The following FARP2 variants were observed in gnomAD, a reference collection of about 807,000 sequenced individuals.
The protein encoded by FARP2 is FERM, ARH/RhoGEF and pleckstrin domain protein 2.
Under a neutral mutation model 130.5 loss-of-function variants are expected in FARP2, and 111 were observed. That is an observed-to-expected ratio of 0.85 (90% CI 0.73 to 1.00). The LOEUF is 1.00. Ranked by LOEUF, FARP2 falls within the 50% of genes least tolerant of loss-of-function variation. The pLI is 0.00. For missense variants in FARP2, 1,385 were observed against 1,346.3 expected (o/e 1.03, Z -0.45); for synonymous variants, 504 against 516.9 (o/e 0.98, Z 0.34).
At chr2:241,452,195 C>T (rs536546689) in intron 13 of FARP2, among the ~76,000 whole-genome samples, 5 of 152,302 alleles carry the variant, frequency 3.3e-5, no homozygotes, top group South Asian at 2.1e-4. Flanking sequence ...TTTATCCTGT[C>T]GTATGTCACT....
At chr2:241,491,407 A>T in intron 23 of FARP2, 109 bp from the exon 24 acceptor site, 1 of 1,252,066 alleles carries the variant, frequency 8.0e-7, no homozygotes, top group Non-Finnish European at 1.1e-6. Flanking sequence ...CCTAGCACCA[A>T]GGGCTCCCCA....
At chr2:241,360,585 A>T (rs1184026833) in intron 1 of FARP2, among the ~76,000 whole-genome samples, 1 of 151,960 alleles carries the variant, frequency 6.6e-6, no homozygotes, top group Non-Finnish European at 1.5e-5. Context: ...GAGGCAGGAG[A>T]ATCACTTGAA....
chr2:241,392,590 A>G (rs985471534), intron 2 of FARP2, among the ~76,000 whole-genome samples: 3 of 152,194 alleles, frequency 2.0e-5, no homozygotes, highest in Non-Finnish European at 4.4e-5. Flanking sequence ...GTCTAGAAAG[A>G]TGAAGTGCCT....
intron 1 of FARP2, among the ~76,000 whole-genome samples, chr2:241,360,749 G>C (rs944999271): frequency 2.6e-5 from 4 of 151,928 alleles, no homozygotes; most frequent in African/African-American, 9.7e-5. Context: ...AATGCAAATG[G>C]CTAAATTGAG....
At position 241,434,325 on chromosome 2, in the gene FARP2, G is replaced by T. The variant is rs760633638; in HGVS notation, c.1031+4G>T. 6.3e-7 allele frequency: 1 copy of T among 1,596,422 alleles called. No homozygotes were observed. Among genetic ancestry groups the T allele is most frequent in the Admixed American group, 1.8e-5 (1 of 54,896 alleles). Reference sequence around the variant, plus strand: ...GGGGCTCCTCCTTCAGATACAGGTAGGGGCCATGCCGTGGCTTGCATGGGC... The same window carrying T: ...GGGGCTCCTCCTTCAGATACAGGTATGGGCCATGCCGTGGCTTGCATGGGC... On this transcript the variant is annotated splice_donor_region_variant and intron_variant, in intron 10 of 26. Transcript: ENST00000264042.
At chr2:241,461,237 C>T (rs1413153469) in intron 14 of FARP2, among the ~76,000 whole-genome samples, 1 of 152,156 alleles carries the variant, frequency 6.6e-6, no homozygotes, top group Non-Finnish European at 1.5e-5. Flanking sequence ...ACCTCCACAC[C>T]GGACCTTCAG....
At chr2:241,376,672 C>T (rs2061543026) in intron 2 of FARP2, among the ~76,000 whole-genome samples, 2 of 152,354 alleles carry the variant, frequency 1.3e-5, no homozygotes, top group East Asian at 3.9e-4. Context: ...TTGTCTCATT[C>T]GTATTCTGTC....
In FARP2 at chr2:241,463,387, C is replaced by T. The variant is rs201032011; in HGVS notation, c.1730C>T (p.Thr577Met). 83 of 1,614,128 alleles carry T rather than the reference C, an allele frequency of 5.1e-5. No individual in the cohort carries two copies. Among genetic ancestry groups the T allele is most frequent in the South Asian group, 1.2e-4 (11 of 91,080 alleles). ...GACGCCATGCCTGCGACTCTGATGA[C>T]GCTGCTCTTCTCCAACATCGATCCC... ...KEDAMPATLM[T>M]LLFSNIDPIY... The change falls in exon 16 of 27, where the codon ACG becomes ATG. Residue 577 changes from threonine (T) to methionine (M), a missense_variant. Coordinates refer to ENST00000264042, the MANE Select transcript of FARP2 (RefSeq NM_014808.4).
At chr2:241,484,725 C>T (rs2064709730) in intron 21 of FARP2, among the ~76,000 whole-genome samples, 1 of 152,206 alleles carries the variant, frequency 6.6e-6, no homozygotes, top group Admixed American at 6.5e-5. Context: ...TAGGCACATG[C>T]CTGGGATGGG....
At chr2:241,394,565 A>G (rs1233568938) in intron 2 of FARP2, among the ~76,000 whole-genome samples, 3 of 152,134 alleles carry the variant, frequency 2.0e-5, no homozygotes, top group East Asian at 3.9e-4. Context: ...GACACTGAAA[A>G]TAGAACTGAT....
In FARP2 at chr2:241,436,372, A is replaced by G. The variant is rs2063230370; in HGVS notation, c.1101-109A>G. The G allele has an allele frequency of 6.0e-5, 55 of 916,086 alleles. 2 individuals carry two copies. In the South Asian group the frequency reaches 7.6e-4, roughly 13 times the overall value. The allele number at this position is 916,086 out of a possible 1,614,324, so 56.7% of individuals were successfully genotyped here. A position where few individuals can be genotyped will look rare whatever the true frequency, so the allele number is the denominator to read the frequency against. ...TTCAAGTTAGATACCTCTTAGCTAC[A>G]TTTTCTTGTGAGGTTTTCTTCATGG... is the stretch of plus-strand genomic sequence containing the variant. On this transcript the variant is annotated intron_variant, in intron 11 of 26. Transcript: ENST00000264042.
intron 19 of FARP2, chr2:241,478,434 G>T (rs2064530169): frequency 4.0e-6 from 1 of 249,494 alleles, no homozygotes; most frequent in African/African-American, 2.3e-5. Context: ...TTGTCCAAAT[G>T]GCTCTGGCTC....
At chr2:241,465,351 C>T (rs1400040941) in intron 17 of FARP2, 4 of 826,654 alleles carry the variant, frequency 4.8e-6, no homozygotes, top group Admixed American at 4.1e-5. Context: ...GTCCCCCCTC[C>T]CCAGGGCAGG....
intron 17 of FARP2, chr2:241,466,219 C>G: frequency 1.0e-6 from 1 of 985,452 alleles, no homozygotes; most frequent in Non-Finnish European, 1.2e-6. Context: ...CCCCAGAGCC[C>G]GGGCCCCTGT....
At chr2:241,435,287 G>C (rs1404908856) in intron 11 of FARP2, among the ~76,000 whole-genome samples, 1 of 143,216 alleles carries the variant, frequency 7.0e-6, no homozygotes, top group African/African-American at 2.6e-5. Context: ...TTTTTTTTCT[G>C]TAGAGACAAG....
At chr2:241,426,590 T>A (rs1411495957) in intron 8 of FARP2, among the ~76,000 whole-genome samples, 3 of 152,082 alleles carry the variant, frequency 2.0e-5, no homozygotes, top group Non-Finnish European at 2.9e-5. Flanking sequence ...TGAGAGTAAA[T>A]CCCAGAAAGG....
chr2:241,440,223 T>A (rs770971277), intron 12 of FARP2, among the ~76,000 whole-genome samples: 88 of 152,150 alleles, frequency 5.8e-4, no homozygotes, highest in Non-Finnish European at 2.5e-4. Context: ...GCACAAAAAG[T>A]TATTCAGTTG....
chr2:241,358,497 C>T (rs759128592), intron 1 of FARP2, among the ~76,000 whole-genome samples: 7 of 152,242 alleles, frequency 4.6e-5, no homozygotes, highest in Non-Finnish European at 8.8e-5. Flanking sequence ...TCCTTCCTTT[C>T]CAAACACCCC....
intron 2 of FARP2, among the ~76,000 whole-genome samples, chr2:241,380,844 G>T (rs1450882847): frequency 6.6e-6 from 1 of 152,066 alleles, no homozygotes; most frequent in East Asian, 1.9e-4. Context: ...CCTGCAAAGA[G>T]GTCAGAATCA....
Sources: allele counts gnomAD v4.1 joint callset (sites outside exome capture counted in the v4.1 genomes callset), GRCh38; gene constraint gnomAD v4.1.1; transcripts MANE v1.5; gene names NCBI Gene and HGNC (gene_info 2026-07-23, HGNC 2026-07-21).